Variants in RIPOR2 observed in about 807,000 individuals in gnomAD.
RIPOR2 encodes the protein RHO family interacting cell polarization regulator 2.
In RIPOR2, 39 loss-of-function variants were observed where a neutral mutation model predicts 114.5. The observed-to-expected ratio is 0.34, with a 90% CI of 0.26 to 0.44. The LOEUF (loss-of-function observed/expected upper bound fraction) is 0.44, where lower values mean the gene tolerates loss of function less well. Ranked by LOEUF, RIPOR2 falls within the 20% of genes least tolerant of loss-of-function variation. RIPOR2 has a pLI of 1.00. For missense variants in RIPOR2, 1,007 were observed against 1,255.1 expected, an observed-to-expected ratio of 0.80 and a Z score of 2.99; for synonymous variants, 445 against 484.4, an observed-to-expected ratio of 0.92 and a Z score of 1.07.
At chr6:24,962,636 GGT>G (rs1491539892) in intron 1 of RIPOR2, among the ~76,000 whole-genome samples, 5 of 42,706 alleles carry the variant, frequency 1.2e-4, no homozygotes, top group Admixed American at 3.3e-4. Context: ...GAAACTTCAT[GGT>G]TTTTTTTTAG....
chr6:24,833,837 C>G (rs1403376984), intron 15 of RIPOR2, among the ~76,000 whole-genome samples: 2 of 151,962 alleles, frequency 1.3e-5, no homozygotes, highest in Non-Finnish European at 2.9e-5. Flanking sequence ...GCCTTATTAC[C>G]GAGAGAAACA....
chr6:24,834,685 G>T (rs1470757976), intron 15 of RIPOR2, among the ~76,000 whole-genome samples: 1 of 152,038 alleles, frequency 6.6e-6, no homozygotes, highest in East Asian at 1.9e-4. Context: ...GCGCAGTGGT[G>T]CCATCACAGC....
Position 24,809,774 on chromosome 6 carries a change from A to C in RIPOR2, c.2986T>G (p.Cys996Gly), listed in dbSNP as rs1004891311. Residue 996 changes from cysteine (C) to glycine (G), a missense_variant, in exon 21 of 22, where the codon TGT (cysteine) becomes GGT (glycine). By Grantham distance (159) the Cys-to-Gly change is radical (BLOSUM62 -3). Transcript: ENST00000643898. ...CTGATTTCTTCAGTATCAGATTGACACAATGTCACCAGCATTTTAATGCTT... is the reference window on the plus strand; with the variant it reads ...CTGATTTCTTCAGTATCAGATTGACCCAATGTCACCAGCATTTTAATGCTT... ...TESIKMLVTLCQSDTEEIRNV... is the reference protein window; with the variant it reads ...TESIKMLVTLGQSDTEEIRNV... 9 of 1,550,830 alleles carry C rather than the reference A, an allele frequency of 5.8e-6. No individual in the cohort carries two copies. Among genetic ancestry groups the C allele is most frequent in the Non-Finnish European group, 7.0e-6 (8 of 1,146,302 alleles).
At chr6:24,897,346 A>G (rs2113997447) in intron 1 of RIPOR2, among the ~76,000 whole-genome samples, 1 of 152,340 alleles carries the variant, frequency 6.6e-6, no homozygotes, top group South Asian at 2.1e-4. Flanking sequence ...TTCCAGCCCC[A>G]GGAGCAGATG....
chr6:25,030,224 A>G (rs1374811401), intron 1 of RIPOR2, among the ~76,000 whole-genome samples: 1 of 152,174 alleles, frequency 6.6e-6, no homozygotes, highest in Non-Finnish European at 1.5e-5. Flanking sequence ...AAAAAAATGT[A>G]GGGTTGACGA....
At chr6:24,994,660 C>T (rs1774970249) in intron 1 of RIPOR2, among the ~76,000 whole-genome samples, 1 of 152,112 alleles carries the variant, frequency 6.6e-6, no homozygotes, top group African/African-American at 2.4e-5. Context: ...TTTGGGGTGT[C>T]TGTGGCCACC....
In RIPOR2 at chr6:24,883,125, A is replaced by T. The variant is rs1267315190; in HGVS notation, c.62-7308T>A. 6.6e-6 allele frequency among the ~76,000 whole-genome samples: 1 copy of T among 152,200 alleles called. No homozygotes were observed. The highest frequency in any genetic ancestry group is 1.5e-5 in the Non-Finnish European group (1 of 68,026). On this transcript the variant is annotated intron_variant, in intron 1 of 21. Transcript: ENST00000643898. The surrounding 1 kb of genome is among the most constrained non-coding windows in gnomAD (Gnocchi z 4.1). The stretch of plus-strand genomic sequence containing the variant: ...AACCCTTATGGTGTTTTCCTTTTTT[A>T]AAAATTTAACCAAACCTTCTATCGA...
intron 1 of RIPOR2, among the ~76,000 whole-genome samples, chr6:24,895,494 T>C (rs191742884): frequency 1.2e-3 from 185 of 152,058 alleles, no homozygotes; most frequent in African/African-American, 4.1e-3. Flanking sequence ...CAGCATGCAG[T>C]GATCATGTCA....
chr6:24,842,785 T>C (rs1460167164), intron 13 of RIPOR2, 77 bp downstream of exon 13: 3 of 793,076 alleles, frequency 3.8e-6, no homozygotes, highest in African/African-American at 1.8e-5. Flanking sequence ...TTTTAAATGA[T>C]ACCTCATCTT....
intron 1 of RIPOR2, among the ~76,000 whole-genome samples, chr6:24,927,107 AC>A (rs1232175312): frequency 0.34 from 264 of 768 alleles, 122 homozygotes; most frequent in East Asian, 0.62. Context: ...CACCACCACC[AC>A]CATGATTATT....
At chr6:24,915,397 C>G (rs922065014) in intron 1 of RIPOR2, among the ~76,000 whole-genome samples, 4 of 150,566 alleles carry the variant, frequency 2.7e-5, no homozygotes, top group African/African-American at 9.9e-5. Context: ...CTCTGTCACC[C>G]AGGCTGGAGT....
intron 9 of RIPOR2, 80 bp downstream of exon 9, chr6:24,852,494 GA>G: frequency 9.2e-7 from 1 of 1,088,260 alleles, no homozygotes; most frequent in Non-Finnish European, 1.4e-6. Flanking sequence ...AAGACAACTT[GA>G]AAAGCAAAAT....
chr6:25,036,892 G>A (rs538546239), intron 1 of RIPOR2, among the ~76,000 whole-genome samples: 12 of 152,276 alleles, frequency 7.9e-5, no homozygotes, highest in African/African-American at 2.4e-4. Context: ...GTGGTGTGGT[G>A]TAAGCCAGCT....
At position 24,955,863 on chromosome 6, in the gene RIPOR2, G is replaced by A. The variant is rs570613369; in HGVS notation, c.77-80046C>T. Among the ~76,000 whole-genome samples, 4 of 151,642 alleles carry A rather than the reference G, an allele frequency of 2.6e-5. No homozygotes were observed. The East Asian group carries it at 5.8e-4, about 22-fold the overall frequency. On this transcript the variant is annotated intron_variant, in intron 1 of 13. Transcript: ENST00000510784. ...CTACTAAAAATACAAAAAAATATTAGCCAGGTGTGGTGGCAGGTGCCTGTA... is the reference window on the plus strand; with the variant it reads ...CTACTAAAAATACAAAAAAATATTAACCAGGTGTGGTGGCAGGTGCCTGTA...
Position 24,818,586 on chromosome 6 carries a change from G to C in RIPOR2, c.2908C>G (p.Leu970Val). The C allele has an allele frequency of 6.4e-7, 1 of 1,550,644 alleles. No individual in the cohort carries two copies. The highest frequency in any genetic ancestry group is 8.7e-7 in the Non-Finnish European group (1 of 1,146,294). Residue 970 changes from leucine (L) to valine (V), a missense_variant, in exon 20 of 22, where the codon CTC becomes GTC. Coordinates refer to ENST00000643898, the MANE Select transcript of RIPOR2 (RefSeq NM_001286445.3). ...YYCEALTKTN[L>V]QLQKAACLAL... ...AGGCAAGCTGCTTTCTGGAGCTGGA[G>C]GTTTGTCTTTGTTAGTGCTTCACAG...
At chr6:24,836,251 TC>T (rs1297893809) in intron 14 of RIPOR2, among the ~76,000 whole-genome samples, 1 of 152,176 alleles carries the variant, frequency 6.6e-6, no homozygotes, top group Non-Finnish European at 1.5e-5. Context: ...ATTTGTGGTT[TC>T]CCAAAGGCAA....
At position 24,902,280 on chromosome 6, in the gene RIPOR2, T is replaced by A. The variant is rs1461442504; in HGVS notation, c.62-26463A>T. Among the ~76,000 whole-genome samples, 4 of 151,712 alleles carry A rather than the reference T, an allele frequency of 2.6e-5. No individual in the cohort carries two copies. The South Asian group carries it at 8.3e-4, about 32-fold the overall frequency. On this transcript the variant is annotated intron_variant, in intron 1 of 21. Transcript: ENST00000643898. ...CCCAGGCTGGAGTACAGTGGCGCGATCTTGGCTCACTGCAACCTCCGCCTC... is the reference window on the plus strand; with the variant it reads ...CCCAGGCTGGAGTACAGTGGCGCGAACTTGGCTCACTGCAACCTCCGCCTC...
At chr6:25,020,879 C>T (rs1032305532) in intron 1 of RIPOR2, among the ~76,000 whole-genome samples, 9 of 151,918 alleles carry the variant, frequency 5.9e-5, no homozygotes, top group African/African-American at 1.5e-4. Context: ...TTTTTTTAGA[C>T]GGAGTCTCTC....
rs762945910 is a variant in RIPOR2, at chr6:24,825,272, G to A, written c.2822C>T (p.Thr941Met). ...TTTGGAGGCTGCTGCCAAGTAAAGC[G>A]TCACAGCCTCACTAACTTCGTTGTC... is the stretch of plus-strand genomic sequence containing the variant. ...REDNEVSEAV[T>M]LYLAAASKNQ... The change falls in exon 19 of 22, where the codon ACG (threonine) becomes ATG (methionine). Residue 941 changes from threonine (T) to methionine (M), a missense_variant. Thr to Met is a moderately conservative substitution (Grantham distance 81). Coordinates refer to ENST00000643898, the MANE Select transcript of RIPOR2 (RefSeq NM_001286445.3). The A allele has an allele frequency of 1.7e-5, 26 of 1,551,400 alleles. No individual in the cohort carries two copies. The African/African-American group carries it at 1.9e-4, about 11-fold the overall frequency.
Sources: gnomAD v4.1 joint callset for allele counts (sites outside exome capture counted in the v4.1 genomes callset) on GRCh38, gnomAD v4.1.1 for gene constraint, Gnocchi (gnomAD v3.1) non-coding constraint, MANE v1.5 for transcripts, NCBI Gene and HGNC (gene_info 2026-07-23, HGNC 2026-07-21) for gene names.